CSMD1: variants seen among roughly 807,000 people sequenced by gnomAD.
The protein encoded by CSMD1 is CUB and Sushi multiple domains 1, also known as CUB and sushi domain-containing protein 1.
In CSMD1, 213 loss-of-function variants were observed where a neutral mutation model predicts 417.5. The ratio of observed to expected loss-of-function variants is 0.51; its 90% CI spans 0.46 to 0.57. The LOEUF is 0.57. Among genes scored for constraint, CSMD1 ranks in the 20% least tolerant of loss-of-function variants. The pLI is 0.00. For synonymous variants in CSMD1, 2,862 were observed against 1,736.8 expected, an observed-to-expected ratio of 1.65 and a Z score of -16.11; for missense variants, 6,923 against 4,529.7, an observed-to-expected ratio of 1.53 and a Z score of -15.17.
At chr8:4,821,916 G>A (rs1457925537) in intron 1 of CSMD1, among the ~76,000 whole-genome samples, 1 of 151,968 alleles carries the variant, frequency 6.6e-6, no homozygotes, top group Non-Finnish European at 1.5e-5. Context: ...ACATTTGCTT[G>A]CCTGCTTCAG....
chr8:3,683,323 T>C (rs2129029665), intron 7 of CSMD1, among the ~76,000 whole-genome samples: 2 of 152,148 alleles, frequency 1.3e-5, no homozygotes, highest in East Asian at 1.9e-4. Context: ...CAAAGTTCTT[T>C]CATTGTGTTC....
intron 6 of CSMD1, among the ~76,000 whole-genome samples, chr8:3,747,187 G>A (rs948597916): frequency 6.6e-6 from 1 of 152,146 alleles, no homozygotes; most frequent in African/African-American, 2.4e-5. Flanking sequence ...TTTGCAAGCT[G>A]TATGACGAGA....
chr8:3,328,351 C>T (rs969328667), intron 23 of CSMD1, among the ~76,000 whole-genome samples: 1 of 152,204 alleles, frequency 6.6e-6, no homozygotes, highest in African/African-American at 2.4e-5. Flanking sequence ...TGCTTCCTCT[C>T]TCAATATCAT....
At chr8:4,057,743 T>C (rs1798770598) in intron 3 of CSMD1, among the ~76,000 whole-genome samples, 1 of 152,026 alleles carries the variant, frequency 6.6e-6, no homozygotes, top group Non-Finnish European at 1.5e-5. Flanking sequence ...GTTTCAGCTT[T>C]CTACATATGG....
At chr8:3,354,751 A>T (rs1262889245) in intron 21 of CSMD1, among the ~76,000 whole-genome samples, 1 of 150,838 alleles carries the variant, frequency 6.6e-6, no homozygotes, top group Non-Finnish European at 1.5e-5. Context: ...AAAATTAAAT[A>T]ACTACATAGA....
intron 11 of CSMD1, among the ~76,000 whole-genome samples, chr8:3,483,366 A>T (rs1334218669): frequency 6.6e-6 from 1 of 152,092 alleles, no homozygotes; most frequent in Non-Finnish European, 1.5e-5. Context: ...CTGTAAATTC[A>T]TAAATTCAAC....
At chr8:3,039,298 C>T (rs1411610846) in intron 50 of CSMD1, among the ~76,000 whole-genome samples, 1 of 141,594 alleles carries the variant, frequency 7.1e-6, no homozygotes, top group Admixed American at 7.0e-5. Flanking sequence ...TCCTTACTTC[C>T]TTCCTCTCTC....
chr8:4,228,352 T>A (rs1418543302), intron 3 of CSMD1, among the ~76,000 whole-genome samples: 1 of 152,206 alleles, frequency 6.6e-6, no homozygotes, highest in Non-Finnish European at 1.5e-5. Flanking sequence ...CCTCCCATTT[T>A]CCTTTCCAGT....
chr8:3,500,504 G>C (rs1247370106), intron 10 of CSMD1, among the ~76,000 whole-genome samples: 3 of 152,290 alleles, frequency 2.0e-5, no homozygotes, highest in East Asian at 3.9e-4. Flanking sequence ...GAAGGCACGT[G>C]AAAAGAAGAG....
intron 10 of CSMD1, among the ~76,000 whole-genome samples, chr8:3,549,859 G>A (rs921482998): frequency 6.6e-6 from 1 of 152,094 alleles, no homozygotes; most frequent in Non-Finnish European, 1.5e-5. Context: ...AACAGACAGT[G>A]GAGTAACATA....
At chr8:4,183,176 C>G (rs1470910368) in intron 3 of CSMD1, among the ~76,000 whole-genome samples, 1 of 151,850 alleles carries the variant, frequency 6.6e-6, no homozygotes, top group African/African-American at 2.4e-5. Flanking sequence ...CAGTATAGCC[C>G]TAGGATGAAT....
At chr8:3,317,969 C>G (rs117121954) in intron 23 of CSMD1, among the ~76,000 whole-genome samples, 216 of 152,268 alleles carry the variant, frequency 1.4e-3, no homozygotes, top group Non-Finnish European at 2.5e-3. Context: ...GGCCACCATG[C>G]CCAGCTAATA....
At chr8:4,467,552 GA>G (rs1182342854) in intron 2 of CSMD1, among the ~76,000 whole-genome samples, 1 of 152,100 alleles carries the variant, frequency 6.6e-6, no homozygotes, top group Admixed American at 6.5e-5. Context: ...TAAACCTGTT[GA>G]AAAATTGTTA....
chr8:4,144,517 C>T (rs552375094), intron 3 of CSMD1, among the ~76,000 whole-genome samples: 1 of 151,158 alleles, frequency 6.6e-6, no homozygotes, highest in African/African-American at 2.5e-5. Flanking sequence ...AAATGCTTCA[C>T]CTCATTACCC....
At chr8:3,809,622 T>C (rs1157865417) in intron 5 of CSMD1, among the ~76,000 whole-genome samples, 2 of 152,122 alleles carry the variant, frequency 1.3e-5, no homozygotes, top group African/African-American at 4.8e-5. Flanking sequence ...ATTCAGTCTG[T>C]CTCTGGTGGC....
intron 7 of CSMD1, among the ~76,000 whole-genome samples, chr8:3,705,404 T>G (rs1233910629): frequency 6.6e-6 from 1 of 152,168 alleles, no homozygotes; most frequent in African/African-American, 2.4e-5. Flanking sequence ...GCTAGCAGTG[T>G]CCACCCCTGT....
chr8:4,164,182 A>C (rs1797325517), intron 3 of CSMD1, among the ~76,000 whole-genome samples: 2 of 136,708 alleles, frequency 1.5e-5, no homozygotes, highest in South Asian at 5.0e-4. Flanking sequence ...TTAAGGAATT[A>C]ATACAGGATT....
chr8:4,602,902 T>C (rs993392203), intron 2 of CSMD1, among the ~76,000 whole-genome samples: 4 of 151,882 alleles, frequency 2.6e-5, no homozygotes, highest in African/African-American at 9.7e-5. Flanking sequence ...TATAATGATA[T>C]GATCTAGGTT....
intron 5 of CSMD1, among the ~76,000 whole-genome samples, chr8:3,949,523 A>G (rs751888136): frequency 1.4e-4 from 22 of 152,156 alleles, no homozygotes; most frequent in African/African-American, 5.1e-4. Context: ...GCAAAGAGAG[A>G]AGCTAGCAAC....
Sources: allele counts gnomAD v4.1 joint callset (sites outside exome capture counted in the v4.1 genomes callset), GRCh38; gene constraint gnomAD v4.1.1; transcripts MANE v1.5; gene names NCBI Gene and HGNC (gene_info 2026-07-23, HGNC 2026-07-21).